Variants in FCRL1 observed in about 807,000 individuals in gnomAD.
FCRL1 encodes the protein Fc receptor like 1.
In FCRL1, 34 loss-of-function variants were observed where a neutral mutation model predicts 49.2. The ratio of observed to expected loss-of-function variants is 0.69; its 90% CI spans 0.53 to 0.92. FCRL1 has a LOEUF of 0.92. Among genes scored for constraint, FCRL1 ranks in the 40% least tolerant of loss-of-function variants. The pLI is 0.00. For missense variants in FCRL1, 524 were observed against 524.1 expected (o/e 1.00, Z 0.00); for synonymous variants, 218 against 201.6 (o/e 1.08, Z -0.69).
chr1:157,800,733 G>T (rs1053015256), intron 6 of FCRL1, among the ~76,000 whole-genome samples: 1 of 152,136 alleles, frequency 6.6e-6, no homozygotes, highest in African/African-American at 2.4e-5. Flanking sequence ...TGAACATGTG[G>T]ATGTGTGAAT....
intron 1 of FCRL1, among the ~76,000 whole-genome samples, chr1:157,812,472 T>C (rs1049876295): frequency 6.6e-6 from 1 of 152,156 alleles, no homozygotes; most frequent in African/African-American, 2.4e-5. Context: ...CCCCTGTGTC[T>C]CATTGACTCT....
intron 1 of FCRL1, 84 bp downstream of exon 1, chr1:157,819,923 T>C: frequency 6.6e-7 from 1 of 1,515,444 alleles, no homozygotes; most frequent in Non-Finnish European, 9.2e-7. Context: ...AGAACCTTAG[T>C]CCTAAGAAGT....
At chr1:157,813,143 T>G (rs1157685862) in intron 1 of FCRL1, among the ~76,000 whole-genome samples, 4 of 152,032 alleles carry the variant, frequency 2.6e-5, no homozygotes, top group Admixed American at 2.6e-4. Flanking sequence ...TCTATAAAAT[T>G]GAAAAAGGTG....
In FCRL1 at chr1:157,802,531, A is replaced by G; in HGVS notation, c.453T>C (p.Ala151=). The G allele has an allele frequency of 6.2e-7, 1 of 1,614,236 alleles. No homozygotes were observed. ...TCTTTGACTGAAGGTTTAAACCTAC[A>G]GCCCCTTTGTACCAAAGGAAGGTGA... ...GDITFLWYKG[A]VGLNLQSKTQ... The change falls in exon 4 of 11, where the codon GCT becomes GCC. Residue 151 remains alanine, a synonymous_variant. Coordinates refer to ENST00000368176, the MANE Select transcript of FCRL1 (RefSeq NM_052938.5).
intron 1 of FCRL1, among the ~76,000 whole-genome samples, chr1:157,807,963 T>C (rs1415486426): frequency 6.6e-6 from 1 of 152,238 alleles, no homozygotes; most frequent in East Asian, 1.9e-4. Context: ...GGAATTTACT[T>C]ATTCAGTAAA....
intron 2 of FCRL1, 120 bp downstream of exon 2, chr1:157,806,982 T>C: frequency 9.2e-7 from 1 of 1,082,554 alleles, no homozygotes; most frequent in Non-Finnish European, 1.4e-6. Flanking sequence ...TCAGCAGCTG[T>C]CACCCTGATA....
intron 10 of FCRL1, 28 bp downstream of exon 10, chr1:157,797,073 T>G (rs761706780): frequency 9.9e-6 from 16 of 1,611,434 alleles, no homozygotes; most frequent in Non-Finnish European, 1.4e-5. Flanking sequence ...AGAAAGAACA[T>G]GGAAGAAAGA....
At chr1:157,800,500 A>T (rs1022879352) in intron 6 of FCRL1, among the ~76,000 whole-genome samples, 9 of 152,224 alleles carry the variant, frequency 5.9e-5, no homozygotes, top group Non-Finnish European at 5.9e-5. Context: ...TTAAATGAGA[A>T]TTTCACAGTG....
chr1:157,799,124 CT>C (rs374268446), intron 7 of FCRL1, among the ~76,000 whole-genome samples: 14 of 152,288 alleles, frequency 9.2e-5, no homozygotes, highest in Admixed American at 2.6e-4. Flanking sequence ...CCTCAGCCTC[CT>C]GAGTAGCTGG....
At chr1:157,817,352 G>C (rs532697021) in intron 1 of FCRL1, among the ~76,000 whole-genome samples, 4 of 152,018 alleles carry the variant, frequency 2.6e-5, no homozygotes, top group Non-Finnish European at 5.9e-5. Flanking sequence ...AAACAGAATA[G>C]AGAGCCCGGA....
chr1:157,813,426 T>A (rs962441970), intron 1 of FCRL1, among the ~76,000 whole-genome samples: 3 of 152,130 alleles, frequency 2.0e-5, no homozygotes, highest in African/African-American at 7.2e-5. Flanking sequence ...ACAGAATTCA[T>A]AGAGCTAAAG....
chr1:157,798,560 G>A (rs1180718615), intron 7 of FCRL1, among the ~76,000 whole-genome samples: 2 of 151,864 alleles, frequency 1.3e-5, no homozygotes, highest in East Asian at 1.9e-4. Flanking sequence ...ACTCCAGATG[G>A]AAAACACTTT....
At chr1:157,797,697 G>T in intron 9 of FCRL1, 171 bp downstream of exon 9, 1 of 1,499,070 alleles carries the variant, frequency 6.7e-7, no homozygotes, top group South Asian at 1.2e-5. Context: ...ATTAGCTCTG[G>T]GCTCTACTCA....
Position 157,803,828 on chromosome 1 carries a change from A to T in FCRL1, c.319+17T>A, listed in dbSNP as rs774421443. 1.2e-5 allele frequency: 19 copies of T among 1,610,080 alleles called. No homozygotes were observed. Among genetic ancestry groups the T allele is most frequent in the East Asian group, 6.7e-5 (3 of 44,776 alleles). The stretch of plus-strand genomic sequence containing the variant: ...CTTCTCAGCCTATCCTGGCAGACTG[A>T]CCCCACTGACACTCACTGTGCACAT... On this transcript the variant is annotated intron_variant, in intron 3 of 10. Transcript: ENST00000368176.
intron 5 of FCRL1, 64 bp downstream of exon 5, chr1:157,801,850 CA>C: frequency 6.5e-7 from 1 of 1,548,374 alleles, no homozygotes; most frequent in Non-Finnish European, 8.7e-7. Context: ...GTGGCACCAG[CA>C]AAACTCTCCC....
At chr1:157,804,159 T>G in intron 2 of FCRL1, 48 bp from the exon 3 acceptor site, 1 of 1,594,568 alleles carries the variant, frequency 6.3e-7, no homozygotes, top group African/African-American at 1.3e-5. Flanking sequence ...TCGGAATTTC[T>G]GGTAAGAGGC....
At chr1:157,805,188 A>C (rs1653224043) in intron 2 of FCRL1, among the ~76,000 whole-genome samples, 1 of 152,086 alleles carries the variant, frequency 6.6e-6, no homozygotes, top group Non-Finnish European at 1.5e-5. Context: ...TAAGATGATA[A>C]AATTGTGCTC....
chr1:157,817,151 A>G (rs1655154379), intron 1 of FCRL1, among the ~76,000 whole-genome samples: 1 of 152,068 alleles, frequency 6.6e-6, no homozygotes, highest in African/African-American at 2.4e-5. Context: ...AAATAGAAAA[A>G]GCAATCCTAA....
At chr1:157,814,268 T>C (rs546160791) in intron 1 of FCRL1, among the ~76,000 whole-genome samples, 23 of 152,244 alleles carry the variant, frequency 1.5e-4, no homozygotes, top group South Asian at 6.2e-4. Flanking sequence ...CAATAATAAC[T>C]ATAGCTGTGA....
Sources: gnomAD v4.1 joint callset for allele counts (sites outside exome capture counted in the v4.1 genomes callset) on GRCh38, gnomAD v4.1.1 for gene constraint, MANE v1.5 for transcripts, NCBI Gene and HGNC (gene_info 2026-07-23, HGNC 2026-07-21) for gene names.